The following KIAA0586 variants were observed in gnomAD, a reference collection of about 807,000 sequenced individuals.
KIAA0586 encodes the protein KIAA0586.
Under a neutral mutation model 169.8 loss-of-function variants are expected in KIAA0586, and 144 were observed. The ratio of observed to expected loss-of-function variants is 0.85; its 90% CI spans 0.74 to 0.97. The LOEUF (loss-of-function observed/expected upper bound fraction) is 0.97. Among genes scored for constraint, KIAA0586 ranks in the 50% least tolerant of loss-of-function variants. The probability of loss-of-function intolerance (pLI) is 0.00; values close to 1 mark genes in which losing one functional copy is unlikely to be tolerated. For missense variants in KIAA0586, 1,854 were observed against 1,823.0 expected, an observed-to-expected ratio of 1.02 and a Z score of -0.31; for synonymous variants, 625 against 612.4, an observed-to-expected ratio of 1.02 and a Z score of -0.30.
At chr14:58,547,406 G>T (rs915377757) in intron 30 of KIAA0586, among the ~76,000 whole-genome samples, 8 of 152,062 alleles carry the variant, frequency 5.3e-5, no homozygotes, top group African/African-American at 1.9e-4. Context: ...TTAACATATG[G>T]GAAACTGAAC....
At chr14:58,458,400 A>C in intron 11 of KIAA0586, 73 bp from the exon 12 acceptor site, 2 of 780,422 alleles carry the variant, frequency 2.6e-6, no homozygotes, top group East Asian at 5.6e-5. Context: ...ACTAGATAAG[A>C]GTTAGATCTG....
chr14:58,555,186 C>T (rs374684447), downstream of KIAA0586, among the ~76,000 whole-genome samples: 4 of 150,538 alleles, frequency 2.7e-5, no homozygotes, highest in African/African-American at 7.3e-5. Flanking sequence ...CTTCAACCTC[C>T]GCCTCCCAGT....
At chr14:58,484,356 T>TA (rs1198301804) in intron 21 of KIAA0586, among the ~76,000 whole-genome samples, 2 of 152,144 alleles carry the variant, frequency 1.3e-5, no homozygotes, top group Admixed American at 6.5e-5. Context: ...TTAAGTTCCA[T>TA]AAAAAATATT....
intron 2 of KIAA0586, 28 bp downstream of exon 2, chr14:58,429,461 C>T (rs769964347): frequency 2.3e-6 from 3 of 1,298,850 alleles, no homozygotes; most frequent in African/African-American, 1.5e-5. Context: ...TAATTATGCT[C>T]ACGTTAAAAT....
intron 27 of KIAA0586, among the ~76,000 whole-genome samples, chr14:58,507,934 T>C (rs2044121390): frequency 6.6e-6 from 1 of 151,992 alleles, no homozygotes; most frequent in Admixed American, 6.6e-5. Flanking sequence ...ACAGGTGCCA[T>C]GCCACCACAC....
the KIAA0586 span, among the ~76,000 whole-genome samples, chr14:58,561,292 A>AT: frequency 2.6e-5 from 4 of 152,286 alleles, 1 homozygote. Context: ...TTACATCTGG[A>AT]TTTCTCTTTT....
chr14:58,432,160 A>C (rs549418695), intron 3 of KIAA0586, among the ~76,000 whole-genome samples: 1 of 152,216 alleles, frequency 6.6e-6, no homozygotes, highest in Admixed American at 6.5e-5. Flanking sequence ...CTTAGGGGGA[A>C]TGTGTTCAAC....
At chr14:58,512,049 A>G (rs2044425486) in intron 28 of KIAA0586, among the ~76,000 whole-genome samples, 1 of 152,174 alleles carries the variant, frequency 6.6e-6, no homozygotes, top group African/African-American at 2.4e-5. Context: ...GAAGATAACA[A>G]TACCTACTCA....
At position 58,512,862 on chromosome 14, in the gene KIAA0586, T is replaced by C. The variant is rs193150733; in HGVS notation, c.4429+235T>C. On this transcript the variant is annotated intron_variant, in intron 29 of 30. Coordinates refer to ENST00000652326, the MANE Select transcript of KIAA0586 (RefSeq NM_001329943.3). Reference sequence around the variant, plus strand: ...TTTTTTAAACTCTTAGCTGGTGTCTTTCCTTTACCCTTGCCTTTTAGTTCT... The same window carrying C: ...TTTTTTAAACTCTTAGCTGGTGTCTCTCCTTTACCCTTGCCTTTTAGTTCT... Among the ~76,000 whole-genome samples, 389 of 152,186 alleles carry C rather than the reference T, an allele frequency of 2.6e-3. 1 individual carries two copies. The highest frequency in any genetic ancestry group is 2.9e-3 in the Non-Finnish European group (195 of 67,942).
chr14:58,450,205 T>G (rs2039246944), intron 7 of KIAA0586, among the ~76,000 whole-genome samples: 1 of 152,204 alleles, frequency 6.6e-6, no homozygotes, highest in Non-Finnish European at 1.5e-5. Flanking sequence ...TTATGTTATT[T>G]CCTTAGAATA....
intron 1 of KIAA0586, 60 bp downstream of exon 1, chr14:58,428,523 T>G: frequency 8.0e-7 from 1 of 1,249,602 alleles, no homozygotes; most frequent in South Asian, 1.3e-5. Context: ...TAGTCCTTAT[T>G]TGTTTAAATT....
chr14:58,467,842 G>A lies in KIAA0586; in HGVS notation c.2362G>A (p.Glu788Lys), dbSNP rs756811886. 2 of 1,613,690 alleles carry A rather than the reference G, an allele frequency of 1.2e-6. No homozygotes were observed. The highest frequency in any genetic ancestry group is 4.5e-5 in the East Asian group (2 of 44,852). Residue 788 changes from glutamate (E) to lysine (K), a missense_variant, in exon 16 of 31, where the codon GAA becomes AAA. Glu to Lys is a moderately conservative substitution (Grantham distance 56). Transcript: ENST00000652326. ...TATTCCTCCATCATCTCGAAAAGTA[G>A]AAACTGGAGTAAAGAAACCTAACAT... ...TSIPPSSRKV[E>K]TGVKKPNIAI...
chr14:58,484,890 TTATATA>T lies in KIAA0586; in HGVS notation c.3145-2087_3145-2082del, dbSNP rs2042278433. Among the ~76,000 whole-genome samples, 37 of 32,284 alleles carry T rather than the reference TTATATA, an allele frequency of 1.1e-3. 1 individual carries two copies. Among genetic ancestry groups the T allele is most frequent in the African/African-American group, 4.8e-3 (36 of 7,476 alleles). 21.2% of individuals were successfully genotyped at this position (32,284 alleles called of 152,430 possible). A position where few individuals can be genotyped will look rare whatever the true frequency, so the allele number is the denominator to read the frequency against. On this transcript the variant is annotated intron_variant, in intron 21 of 30. Coordinates refer to ENST00000652326, the MANE Select transcript of KIAA0586 (RefSeq NM_001329943.3). Reference sequence around the variant, plus strand: ...AATTTTATATATATTATATATATATTTATATATATATATATATATATATATATATAT... The same window carrying T: ...AATTTTATATATATTATATATATATTTATATATATATATATATATATATAT...
intron 6 of KIAA0586, among the ~76,000 whole-genome samples, chr14:58,445,323 CA>C: frequency 6.6e-6 from 1 of 152,150 alleles, no homozygotes; most frequent in Middle Eastern, 3.4e-3. Context: ...AAATAATGAA[CA>C]TTTTTAATGC....
chr14:58,515,200 C>T (rs756534794), intron 29 of KIAA0586, among the ~76,000 whole-genome samples: 1 of 151,658 alleles, frequency 6.6e-6, no homozygotes, highest in Non-Finnish European at 1.5e-5. Flanking sequence ...AAAAAAATCA[C>T]AGCAGTTTTT....
chr14:58,552,010 CA>C (rs2047214786), downstream of KIAA0586, among the ~76,000 whole-genome samples: 1 of 152,112 alleles, frequency 6.6e-6, no homozygotes, highest in African/African-American at 2.4e-5. Flanking sequence ...CGTGGATCCT[CA>C]GGGGGAGGCT....
rs2041278053 is a variant in KIAA0586, at chr14:58,472,262, A to G, written c.2617A>G (p.Ile873Val). Residue 873 changes from isoleucine (I) to valine (V), a missense_variant, in exon 18 of 31, where the codon ATA becomes GTA. Ile to Val is a conservative substitution (Grantham distance 29). Coordinates refer to ENST00000652326, the MANE Select transcript of KIAA0586 (RefSeq NM_001329943.3). ...GTTTCCAGGAACTAACTTTGATGAAATAATCGATGTCATACAGGTAACAAA... is the reference window on the plus strand; with the variant it reads ...GTTTCCAGGAACTAACTTTGATGAAGTAATCGATGTCATACAGGTAACAAA... ...VKFPGTNFDE[I>V]IDVIQEEEKC... The G allele has an allele frequency of 6.4e-7, 1 of 1,569,350 alleles. No homozygotes were observed. The highest frequency in any genetic ancestry group is 1.8e-5 in the Admixed American group (1 of 54,436).
chr14:58,460,923 G>GAAAAATGA, intron 13 of KIAA0586, 63 bp from the exon 14 acceptor site: 1 of 1,254,712 alleles, frequency 8.0e-7, no homozygotes, highest in South Asian at 2.2e-5. Context: ...GGAGGCTTTA[G>GAAAAATGA]AAAAATGAGA....
rs573212943 is a variant in KIAA0586 at position 58,481,527 on chromosome 14, A to T, written c.2945-986A>T. Reference sequence around the variant, plus strand: ...AGTGCATTCTTTTGTTGTAGTCAAGATCTATCACAGAGTTTCCTGTTGTTA... The same window carrying T: ...AGTGCATTCTTTTGTTGTAGTCAAGTTCTATCACAGAGTTTCCTGTTGTTA... On this transcript the variant is annotated intron_variant, in intron 20 of 30. Transcript: ENST00000652326. Among the ~76,000 whole-genome samples, 5 of 152,282 alleles carry T rather than the reference A, an allele frequency of 3.3e-5. No homozygotes were observed. The South Asian group carries it at 1.0e-3, about 32-fold the overall frequency.
Sources: gnomAD v4.1 joint callset for allele counts (sites outside exome capture counted in the v4.1 genomes callset) on GRCh38, gnomAD v4.1.1 for gene constraint, MANE v1.5 for transcripts, NCBI Gene and HGNC (gene_info 2026-07-23, HGNC 2026-07-21) for gene names.